Variants in CTNNA2 observed in about 807,000 individuals in gnomAD.
CTNNA2 encodes the protein catenin alpha 2, also known as catenin alpha-2.
Under a neutral mutation model 101.0 loss-of-function variants are expected in CTNNA2, and 42 were observed. The ratio of observed to expected loss-of-function variants is 0.42; its 90% CI spans 0.32 to 0.54. The LOEUF (loss-of-function observed/expected upper bound fraction) is 0.54. Among genes scored for constraint, CTNNA2 ranks in the 20% least tolerant of loss-of-function variants. The probability of loss-of-function intolerance (pLI) is 0.14; values close to 1 mark genes in which losing one functional copy is unlikely to be tolerated. For missense variants in CTNNA2, 871 were observed against 1,223.1 expected, an observed-to-expected ratio of 0.71 and a Z score of 4.29; for synonymous variants, 450 against 456.4, an observed-to-expected ratio of 0.99 and a Z score of 0.18.
intron 7 of CTNNA2, among the ~76,000 whole-genome samples, chr2:80,134,710 G>C (rs116703805): frequency 1.3e-5 from 2 of 152,134 alleles, no homozygotes; most frequent in Non-Finnish European, 2.9e-5. Context: ...CTGCCTTTCC[G>C]GTTGTGCTTC....
At chr2:80,275,667 G>A (rs920320140) in intron 7 of CTNNA2, among the ~76,000 whole-genome samples, 2 of 152,224 alleles carry the variant, frequency 1.3e-5, no homozygotes, top group Admixed American at 6.5e-5. Context: ...GGAAATTACA[G>A]AGAATATTAT....
intron 7 of CTNNA2, among the ~76,000 whole-genome samples, chr2:80,374,792 C>T (rs549380883): frequency 1.3e-5 from 2 of 151,498 alleles, no homozygotes; most frequent in Admixed American, 6.6e-5. Context: ...CTCATTTTAA[C>T]TTAATTACCT....
At chr2:79,962,768 T>A (rs1490488249) in intron 7 of CTNNA2, among the ~76,000 whole-genome samples, 1 of 152,102 alleles carries the variant, frequency 6.6e-6, no homozygotes. Context: ...GTTCTTGCAA[T>A]GAATTAATGT....
intron 7 of CTNNA2, among the ~76,000 whole-genome samples, chr2:80,051,281 C>T (rs969431164): frequency 7.2e-5 from 11 of 152,124 alleles, no homozygotes; most frequent in Non-Finnish European, 1.2e-4. Flanking sequence ...GGAACTCTTA[C>T]GTCATTCACA....
chr2:80,102,409 G>A (rs6720989), intron 7 of CTNNA2, among the ~76,000 whole-genome samples: 33,193 of 152,000 alleles, frequency 0.22, 4,432 homozygotes, highest in East Asian at 0.52. Flanking sequence ...CACCCCTACA[G>A]GTCCCTGGTG....
intron 18 of CTNNA2, among the ~76,000 whole-genome samples, chr2:80,647,156 G>A (rs1021888236): frequency 6.6e-6 from 1 of 152,116 alleles, no homozygotes; most frequent in African/African-American, 2.4e-5. Flanking sequence ...TTGTTCTTCT[G>A]CCTAAATGAC....
chr2:80,149,439 A>G (rs1020305090), intron 7 of CTNNA2, among the ~76,000 whole-genome samples: 1 of 152,184 alleles, frequency 6.6e-6, no homozygotes, highest in Admixed American at 6.5e-5. Context: ...ATGCGCACAC[A>G]CACATCATAT....
At chr2:80,457,390 A>G (rs755034360) in intron 9 of CTNNA2, among the ~76,000 whole-genome samples, 2 of 152,142 alleles carry the variant, frequency 1.3e-5, no homozygotes, top group Non-Finnish European at 2.9e-5. Context: ...ATATATTGAA[A>G]TAACATGTAT....
At chr2:80,370,371 G>C (rs779006861) in intron 7 of CTNNA2, among the ~76,000 whole-genome samples, 12 of 151,974 alleles carry the variant, frequency 7.9e-5, no homozygotes, top group Non-Finnish European at 1.5e-4. Flanking sequence ...TGTGGAAAGG[G>C]GGGAATTCAC....
rs559379007 is a variant in CTNNA2 at position 79,445,733 on chromosome 2, T to C, written c.-134-59321T>C. On this transcript the variant is annotated intron_variant, in intron 4 of 21. Coordinates refer to the CTNNA2 transcript ENST00000466387. ...ATAAAGCCTTGCCCATGATTGTACC[T>C]GCCCCCATAGCCCCTTTCACAACTC... Among the ~76,000 whole-genome samples, 5 of 152,228 alleles carry C rather than the reference T, an allele frequency of 3.3e-5. No individual in the cohort carries two copies. The South Asian group carries it at 1.0e-3, about 32-fold the overall frequency.
At chr2:80,388,556 A>G (rs1368194804) in intron 7 of CTNNA2, among the ~76,000 whole-genome samples, 2 of 152,180 alleles carry the variant, frequency 1.3e-5, no homozygotes, top group East Asian at 1.9e-4. Flanking sequence ...TCCATAATTC[A>G]TCCTTGGCCC....
chr2:80,305,749 C>A (rs1676875849), intron 7 of CTNNA2, among the ~76,000 whole-genome samples: 1 of 152,132 alleles, frequency 6.6e-6, no homozygotes, highest in Non-Finnish European at 1.5e-5. Flanking sequence ...GAGGGTCTGC[C>A]CTGGGGAGGG....
chr2:79,489,604 T>G lies in CTNNA2; in HGVS notation c.-134-15450T>G, dbSNP rs184947641. ...ACCTTCTTTAAACAATTTGTTCTTTTCATTACAAAGAGAAAGAATAAGATA... is the reference window on the plus strand; with the variant it reads ...ACCTTCTTTAAACAATTTGTTCTTTGCATTACAAAGAGAAAGAATAAGATA... On this transcript the variant is annotated intron_variant, in intron 4 of 21. Coordinates refer to the CTNNA2 transcript ENST00000466387. 1.9e-3 allele frequency among the ~76,000 whole-genome samples: 290 copies of G among 152,300 alleles called. 2 individuals are homozygous for G. Among genetic ancestry groups the G allele is most frequent in the African/African-American group, 6.5e-3 (269 of 41,558 alleles).
At chr2:80,519,979 A>G (rs1016156659) in intron 9 of CTNNA2, among the ~76,000 whole-genome samples, 1 of 152,118 alleles carries the variant, frequency 6.6e-6, no homozygotes, top group Non-Finnish European at 1.5e-5. Flanking sequence ...ATTGTCCTTC[A>G]TCTTTCTAAG....
intron 5 of CTNNA2, among the ~76,000 whole-genome samples, chr2:79,871,544 G>A (rs1342575336): frequency 6.6e-6 from 1 of 152,098 alleles, no homozygotes; most frequent in Non-Finnish European, 1.5e-5. Flanking sequence ...GGGAGAGAGA[G>A]AATGAATTCA....
chr2:80,003,220 T>C (rs1055874377), intron 7 of CTNNA2, among the ~76,000 whole-genome samples: 2 of 152,192 alleles, frequency 1.3e-5, no homozygotes, highest in Admixed American at 6.5e-5. Context: ...CTCTCACTGA[T>C]TGGGTTTTTA....
chr2:80,115,632 G>C (rs551702696), intron 7 of CTNNA2, among the ~76,000 whole-genome samples: 6 of 152,276 alleles, frequency 3.9e-5, no homozygotes, highest in African/African-American at 1.4e-4. Context: ...GAATAACGTG[G>C]TGTGCACTAA....
chr2:79,442,118 C>T (rs544554559), intron 4 of CTNNA2, among the ~76,000 whole-genome samples: 1 of 152,018 alleles, frequency 6.6e-6, no homozygotes, highest in South Asian at 2.1e-4. Flanking sequence ...TATCTATTTC[C>T]CTGACATTTA....
chr2:80,000,729 TTCTC>T (rs375777328), intron 7 of CTNNA2, among the ~76,000 whole-genome samples: 1 of 152,130 alleles, frequency 6.6e-6, no homozygotes, highest in Non-Finnish European at 1.5e-5. Context: ...AAGGAAGAAG[TTCTC>T]TCTCTCTGTG....
Sources: allele counts gnomAD v4.1 joint callset (sites outside exome capture counted in the v4.1 genomes callset), GRCh38; gene constraint gnomAD v4.1.1; transcripts MANE v1.5; gene names NCBI Gene and HGNC (gene_info 2026-07-23, HGNC 2026-07-21).